The following GGH variants were observed in gnomAD, a reference collection of about 807,000 sequenced individuals.
GGH encodes gamma-Glu-X carboxypeptidase.
A neutral mutation model predicts 39.2 loss-of-function variants in GGH; 18 were observed. That is an observed-to-expected ratio of 0.46 (90% CI 0.32 to 0.68). GGH has a LOEUF of 0.68. Ranked by LOEUF, GGH falls within the 30% of genes least tolerant of loss-of-function variation. The pLI, the probability that GGH is intolerant of heterozygous loss-of-function variation, is 0.04. For synonymous variants in GGH, 147 were observed against 138.8 expected, an observed-to-expected ratio of 1.06 and a Z score of -0.42; for missense variants, 367 against 384.1, an observed-to-expected ratio of 0.96 and a Z score of 0.37.
intron 2 of GGH, among the ~76,000 whole-genome samples, chr8:63,032,766 ACT>A (rs1489976148): frequency 1.3e-5 from 2 of 152,224 alleles, no homozygotes; most frequent in African/African-American, 4.8e-5. Context: ...CCTTAAGTGA[ACT>A]CTGAGAACCC....
intron 5 of GGH, 109 bp downstream of exon 5, chr8:63,026,049 G>T: frequency 2.3e-6 from 2 of 874,418 alleles, no homozygotes; most frequent in Non-Finnish European, 3.5e-6. Flanking sequence ...TTTTCCTTCA[G>T]GGAAAAGGCT....
In GGH at chr8:63,015,131, T is replaced by C. The variant is rs949553700; in HGVS notation, c.*201A>G. 1.7e-5 allele frequency: 6 copies of C among 350,486 alleles called. No individual in the cohort carries two copies. Among genetic ancestry groups the C allele is most frequent in the African/African-American group, 4.2e-5 (2 of 47,604 alleles). 21.7% of individuals were successfully genotyped at this position (350,486 alleles called of 1,614,324 possible). A position where few individuals can be genotyped will look rare whatever the true frequency, so the allele number is the denominator to read the frequency against. On this transcript the variant is annotated 3_prime_UTR_variant, in exon 9 of 9. Transcript: ENST00000260118. ...CAATCTTCAGATATAAGAAGGCTTT[T>C]CCATGAAAAACACTCTATTTATGTC...
intron 7 of GGH, chr8:63,023,439 C>T (rs992951086): frequency 2.0e-5 from 3 of 152,682 alleles, no homozygotes; most frequent in African/African-American, 7.2e-5. Context: ...ATAGAGAGTC[C>T]TGACTTTGTC....
At chr8:63,021,377 A>G (rs1268067833) in intron 7 of GGH, among the ~76,000 whole-genome samples, 1 of 152,196 alleles carries the variant, frequency 6.6e-6, no homozygotes, top group African/African-American at 2.4e-5. Flanking sequence ...TTTTTAACCA[A>G]TGAATAAAAC....
At chr8:63,035,843 C>G in intron 1 of GGH, 73 bp from the exon 2 acceptor site, 1 of 1,232,398 alleles carries the variant, frequency 8.1e-7, no homozygotes, top group Non-Finnish European at 1.2e-6. Flanking sequence ...TATATCACAG[C>G]AAAAATATCA....
intron 8 of GGH, chr8:63,017,206 G>T (rs1485618258): frequency 1.1e-5 from 3 of 285,346 alleles, no homozygotes; most frequent in East Asian, 7.7e-5. Context: ...AAATAACAAA[G>T]AAAAAGAAAC....
At chr8:63,032,194 C>T (rs530016806) in intron 2 of GGH, among the ~76,000 whole-genome samples, 24 of 152,040 alleles carry the variant, frequency 1.6e-4, no homozygotes, top group African/African-American at 4.8e-4. Context: ...CCACCACTCC[C>T]AGCTCATTTT....
intron 2 of GGH, among the ~76,000 whole-genome samples, chr8:63,032,646 A>G (rs766565691): frequency 6.6e-6 from 1 of 152,154 alleles, no homozygotes; most frequent in Non-Finnish European, 1.5e-5. Flanking sequence ...TGAACCTAAC[A>G]TCATCATGAT....
chr8:63,017,716 A>T (rs1804513006), intron 7 of GGH, 86 bp from the exon 8 acceptor site: 1 of 749,312 alleles, frequency 1.3e-6, no homozygotes, highest in Admixed American at 2.8e-5. Context: ...TATGTAAAAC[A>T]TTTTATAATT....
At chr8:63,034,079 C>T (rs986234313) in intron 2 of GGH, among the ~76,000 whole-genome samples, 2 of 148,366 alleles carry the variant, frequency 1.3e-5, no homozygotes, top group Non-Finnish European at 1.5e-5. Context: ...ACACGGTCAG[C>T]ACTAACATCC....
chr8:63,021,974 CTCATATCCATTTTTAATAAGCTA>C, intron 7 of GGH, among the ~76,000 whole-genome samples: 1 of 152,030 alleles, frequency 6.6e-6, no homozygotes, highest in African/African-American at 2.4e-5. Context: ...ATGCCCAGAC[CTCATATCCATTTTTAATAAGCTA>C]TCTTTTCTTC....
chr8:63,028,362 G>A lies in GGH; in HGVS notation c.276-1097C>T, dbSNP rs894880962. The A allele has an allele frequency of 3.3e-5, 5 of 152,052 alleles. No homozygotes were observed. The East Asian group carries it at 5.8e-4, about 18-fold the overall frequency. 9.4% of individuals were successfully genotyped at this position (152,052 alleles called of 1,614,324 possible). A position where few individuals can be genotyped will look rare whatever the true frequency, so the allele number is the denominator to read the frequency against. ...TTGCATCCCAGGTCTCCAGCTTACA[G>A]ACATTAACTTAGTATTTAAAAAGCT... On this transcript the variant is annotated intron_variant, in intron 3 of 8. Transcript: ENST00000260118.
intron 2 of GGH, among the ~76,000 whole-genome samples, chr8:63,030,790 C>T (rs1804788636): frequency 6.6e-6 from 1 of 151,786 alleles, no homozygotes; most frequent in Non-Finnish European, 1.5e-5. Flanking sequence ...AACAGCCTAA[C>T]TGCCCAGGTA....
chr8:63,035,678 C>G lies in GGH; in HGVS notation c.202G>C (p.Gly68Arg). ...TACCTTACTGGTACAACTCTCGCAC[C>G]TGCAGACTCCAAGTACTTTACATAG... Reference protein sequence around the residue: ...ASYVKYLESAGARVVPVRLDL... With the variant: ...ASYVKYLESARARVVPVRLDL... Residue 68 changes from glycine to arginine, a missense_variant, in exon 2 of 9, where the codon GGT (glycine) becomes CGT (arginine). Transcript: ENST00000260118. 1 of 1,611,472 alleles carries G rather than the reference C, an allele frequency of 6.2e-7. No homozygotes were observed. Among genetic ancestry groups the G allele is most frequent in the Non-Finnish European group, 8.5e-7 (1 of 1,179,290 alleles).
chr8:63,034,770 G>C (rs1804871255), intron 2 of GGH, among the ~76,000 whole-genome samples: 1 of 152,160 alleles, frequency 6.6e-6, no homozygotes, highest in African/African-American at 2.4e-5. Context: ...TTTTAAAGTA[G>C]AGTGTGAAGG....
chr8:63,034,881 T>C (rs1804872758), intron 2 of GGH, among the ~76,000 whole-genome samples: 1 of 152,194 alleles, frequency 6.6e-6, no homozygotes, highest in African/African-American at 2.4e-5. Flanking sequence ...TTCATTAAAA[T>C]TTTTTTCTTA....
At chr8:63,038,167 G>A (rs1014490007) in intron 1 of GGH, among the ~76,000 whole-genome samples, 1 of 152,174 alleles carries the variant, frequency 6.6e-6, no homozygotes, top group African/African-American at 2.4e-5. Context: ...TAGGATATCA[G>A]CCACTGTTGT....
intron 7 of GGH, 54 bp from the exon 8 acceptor site, chr8:63,017,684 A>G (rs776113276): frequency 3.9e-5 from 43 of 1,101,278 alleles, no homozygotes; most frequent in Non-Finnish European, 4.7e-5. Flanking sequence ...AATGTTACTT[A>G]TAATGAAATT....
At chr8:63,025,672 A>C (rs1804670278) in intron 5 of GGH, among the ~76,000 whole-genome samples, 1 of 152,168 alleles carries the variant, frequency 6.6e-6, no homozygotes, top group African/African-American at 2.4e-5. Flanking sequence ...TAGAGGTTGC[A>C]GTGAGCCGAG....
Sources: gnomAD v4.1 joint callset for allele counts (sites outside exome capture counted in the v4.1 genomes callset) on GRCh38, gnomAD v4.1.1 for gene constraint, MANE v1.5 for transcripts, NCBI Gene and HGNC (gene_info 2026-07-23, HGNC 2026-07-21) for gene names.